The following BBS7 variants were observed in gnomAD, a reference collection of about 807,000 sequenced individuals.
The protein encoded by BBS7 is Bardet-Biedl syndrome 7.
BBS7 carries 50 observed loss-of-function variants against 90.3 expected under a neutral mutation model. The ratio of observed to expected loss-of-function variants is 0.55; its 90% CI spans 0.44 to 0.70. The LOEUF (loss-of-function observed/expected upper bound fraction) is 0.70, where lower values mean the gene tolerates loss of function less well. BBS7 is among the 30% of genes least tolerant of loss of function. The pLI, the probability that BBS7 is intolerant of heterozygous loss-of-function variation, is 0.00. For missense variants in BBS7, 729 were observed against 838.9 expected, an observed-to-expected ratio of 0.87 and a Z score of 1.62; for synonymous variants, 235 against 287.4, an observed-to-expected ratio of 0.82 and a Z score of 1.85.
At chr4:121,847,182 A>G (rs1303896412) in intron 10 of BBS7, among the ~76,000 whole-genome samples, 3 of 152,256 alleles carry the variant, frequency 2.0e-5, no homozygotes, top group Non-Finnish European at 2.9e-5. Context: ...GAAAATGTCA[A>G]TATAGAATAA....
intron 18 of BBS7, 162 bp downstream of exon 18, chr4:121,827,984 A>AT (rs1724986387): frequency 6.8e-7 from 1 of 1,461,328 alleles, no homozygotes; most frequent in African/African-American, 1.4e-5. Flanking sequence ...AAATACAGAA[A>AT]TATTCTGTGC....
chr4:121,828,873 T>C (rs1725037862), intron 15 of BBS7, 145 bp from the exon 16 acceptor site: 1 of 519,506 alleles, frequency 1.9e-6, no homozygotes, highest in Non-Finnish European at 3.3e-6. Flanking sequence ...ATAAAGCAAA[T>C]TTAAACATGT....
chr4:121,851,297 C>A lies in BBS7; in HGVS notation c.849+1659G>T, dbSNP rs149341373. Among the ~76,000 whole-genome samples the A allele has an allele frequency of 1.1e-3, 165 of 149,978 alleles. 1 individual carries two copies. The highest frequency in any genetic ancestry group is 3.8e-3 in the African/African-American group (157 of 40,850). Reference sequence around the variant, plus strand: ...GCTAATAGAACATTTTAATGAAATTCATTTATCTTATGTACTTATATAAAA... The same window carrying A: ...GCTAATAGAACATTTTAATGAAATTAATTTATCTTATGTACTTATATAAAA... On this transcript the variant is annotated intron_variant, in intron 8 of 18. Transcript: ENST00000264499.
intron 2 of BBS7, among the ~76,000 whole-genome samples, chr4:121,865,362 C>G (rs1206329775): frequency 2.6e-5 from 4 of 152,024 alleles, no homozygotes; most frequent in Admixed American, 2.0e-4. Flanking sequence ...TGTCAGCCCC[C>G]CAAGTAGCTG....
At chr4:121,865,843 T>C (rs564308697) in intron 2 of BBS7, among the ~76,000 whole-genome samples, 35 of 152,356 alleles carry the variant, frequency 2.3e-4, no homozygotes, top group Non-Finnish European at 4.1e-4. Context: ...AAGAGTTTCC[T>C]TTCTCCACAT....
At chr4:121,850,768 G>A (rs1201282937) in intron 8 of BBS7, among the ~76,000 whole-genome samples, 1 of 152,116 alleles carries the variant, frequency 6.6e-6, no homozygotes, top group East Asian at 1.9e-4. Context: ...GGAAGGAAGG[G>A]ACACTAGCAT....
At chr4:121,843,277 G>A (rs1725835574) in intron 12 of BBS7, among the ~76,000 whole-genome samples, 1 of 152,146 alleles carries the variant, frequency 6.6e-6, no homozygotes, top group Admixed American at 6.5e-5. Flanking sequence ...AGTGATGTTC[G>A]TGTTTTAGGA....
At position 121,828,182 on chromosome 4, in the gene BBS7, A is replaced by C. The variant is rs765240912; in HGVS notation, c.1978T>G (p.Tyr660Asp). Residue 660 changes from tyrosine (Y) to aspartate (D), a missense_variant, in exon 18 of 19, where the codon TAC becomes GAC. Transcript: ENST00000264499. ...TCAAGATGTGCAGGTTGCTTTTTGT[A>C]TTCTTCCTGTAGGTGATCTGCCTCT... is the stretch of plus-strand genomic sequence containing the variant. ...LEEADHLQEE[Y>D]KKQPAHLERL... 3.7e-6 allele frequency: 6 copies of C among 1,613,866 alleles called. No homozygotes were observed. Among genetic ancestry groups the C allele is most frequent in the Non-Finnish European group, 4.2e-6 (5 of 1,179,860 alleles).
chr4:121,832,297 G>A (rs1725232856), intron 15 of BBS7, among the ~76,000 whole-genome samples: 1 of 152,114 alleles, frequency 6.6e-6, no homozygotes, highest in Non-Finnish European at 1.5e-5. Flanking sequence ...ACTCTAACCT[G>A]GGTGACAGAG....
intron 9 of BBS7, among the ~76,000 whole-genome samples, chr4:121,847,804 T>C (rs375135103): frequency 6.6e-6 from 1 of 152,094 alleles, no homozygotes; most frequent in South Asian, 2.1e-4. Flanking sequence ...TAAGTCAACA[T>C]AGTCTAGCAA....
chr4:121,865,241 C>CTT (rs35421537), intron 2 of BBS7, among the ~76,000 whole-genome samples: 1 of 142,632 alleles, frequency 7.0e-6, no homozygotes, highest in Non-Finnish European at 1.5e-5. Context: ...TCTTCTCTCT[C>CTT]TTTTTTTTTT....
intron 15 of BBS7, among the ~76,000 whole-genome samples, chr4:121,829,674 C>A (rs770066420): frequency 2.6e-5 from 4 of 152,198 alleles, no homozygotes; most frequent in African/African-American, 4.8e-5. Context: ...GCAGTACATT[C>A]CATACCCCTG....
chr4:121,859,933 T>A (rs559672242), intron 4 of BBS7, among the ~76,000 whole-genome samples: 2 of 152,244 alleles, frequency 1.3e-5, no homozygotes, highest in African/African-American at 4.8e-5. Context: ...ACAAAAATTA[T>A]ATTTAAGTGT....
intron 14 of BBS7, 27 bp from the exon 15 acceptor site, chr4:121,833,422 T>A (rs757915243): frequency 6.2e-7 from 1 of 1,606,364 alleles, no homozygotes; most frequent in Non-Finnish European, 8.5e-7. Flanking sequence ...GAGGCGCACA[T>A]TTATGTGTGG....
intron 13 of BBS7, among the ~76,000 whole-genome samples, 174 bp from the exon 14 acceptor site, chr4:121,835,457 C>G (rs559930913): frequency 6.6e-6 from 1 of 152,302 alleles, no homozygotes; most frequent in African/African-American, 2.4e-5. Context: ...TGTTCCAATT[C>G]ATGGGACAGA....
chr4:121,846,586 G>A lies in BBS7; in HGVS notation c.1037+818C>T, dbSNP rs116270638. ...GGTTATAAAAAAAAGGTAATGTATT[G>A]AGGATGTGAGAGAGTAGTCATTAAC... On this transcript the variant is annotated intron_variant, in intron 10 of 18. Coordinates refer to ENST00000264499, the MANE Select transcript of BBS7 (RefSeq NM_176824.3). Among the ~76,000 whole-genome samples, 428 of 152,282 alleles carry A rather than the reference G, an allele frequency of 2.8e-3. 3 individuals carry two copies. Among genetic ancestry groups the A allele is most frequent in the African/African-American group, 9.9e-3 (413 of 41,552 alleles).
At chr4:121,852,284 T>C (rs912905901) in intron 8 of BBS7, among the ~76,000 whole-genome samples, 1 of 152,106 alleles carries the variant, frequency 6.6e-6, no homozygotes, top group Non-Finnish European at 1.5e-5. Context: ...TGACACTGAG[T>C]TGTGAACTCT....
intron 12 of BBS7, among the ~76,000 whole-genome samples, chr4:121,840,957 C>T (rs1230534564): frequency 1.3e-5 from 2 of 151,786 alleles, no homozygotes; most frequent in East Asian, 3.9e-4. Flanking sequence ...CATACCTCAG[C>T]CTCCCAAATA....
rs1331796701 is a variant in BBS7 at position 121,829,176 on chromosome 4, C to G, written c.1677-448G>C. On this transcript the variant is annotated intron_variant, in intron 15 of 18. Coordinates refer to ENST00000264499, the MANE Select transcript of BBS7 (RefSeq NM_176824.3). ...GATATCAAATATGAAAGAGTGACATCTGCTGTTTTTCATGCTCAGCATCCA... is the reference window on the plus strand; with the variant it reads ...GATATCAAATATGAAAGAGTGACATGTGCTGTTTTTCATGCTCAGCATCCA... Among the ~76,000 whole-genome samples the G allele has an allele frequency of 2.0e-5, 3 of 151,878 alleles. No individual in the cohort carries two copies. In the South Asian group the frequency reaches 6.2e-4, roughly 32 times the overall value.
Sources: allele counts gnomAD v4.1 joint callset (sites outside exome capture counted in the v4.1 genomes callset), GRCh38; gene constraint gnomAD v4.1.1; transcripts MANE v1.5; gene names NCBI Gene and HGNC (gene_info 2026-07-23, HGNC 2026-07-21).